PRELID2: variants seen among roughly 807,000 people sequenced by gnomAD.
The protein encoded by PRELID2 is PRELI domain containing 2.
PRELID2 carries 25 observed loss-of-function variants against 28.4 expected under a neutral mutation model. That is an observed-to-expected ratio of 0.88 (90% CI 0.64 to 1.23). The LOEUF (loss-of-function observed/expected upper bound fraction) is 1.23, where lower values mean the gene tolerates loss of function less well. Ranked by LOEUF, PRELID2 falls within the 50% of genes most tolerant of loss-of-function variation. The probability of loss-of-function intolerance (pLI) is 0.00; values close to 1 mark genes in which losing one functional copy is unlikely to be tolerated. For synonymous variants in PRELID2, 76 were observed against 71.6 expected (o/e 1.06, Z -0.31); for missense variants, 201 against 214.4 (o/e 0.94, Z 0.39).
chr5:145,586,694 T>A (rs76364359), intron 1 of PRELID2, among the ~76,000 whole-genome samples: 2,167 of 152,170 alleles, frequency 0.014, 16 homozygotes, highest in Non-Finnish European at 0.024. Context: ...ATATCCGACA[T>A]CTCTGAGCAT....
At chr5:145,287,930 G>A in the PRELID2 span, among the ~76,000 whole-genome samples, 3 of 152,142 alleles carry the variant, frequency 2.0e-5, no homozygotes, top group East Asian at 1.9e-4. Context: ...GAGTAGTCAC[G>A]TGTTTTGTAG....
the PRELID2 span, among the ~76,000 whole-genome samples, chr5:145,388,219 A>G: frequency 6.6e-6 from 1 of 152,150 alleles, no homozygotes; most frequent in Admixed American, 6.6e-5. Flanking sequence ...TGAATTCTGT[A>G]TGCTAGTATT....
At chr5:145,386,480 T>G in the PRELID2 span, among the ~76,000 whole-genome samples, 253 of 152,198 alleles carry the variant, frequency 1.7e-3, 5 homozygotes, top group East Asian at 0.039. Context: ...TCCTGCCTGA[T>G]CTCTCTTGCC....
chr5:145,828,832 C>CT (rs67543120), intron 1 of PRELID2, among the ~76,000 whole-genome samples: 1,363 of 67,504 alleles, frequency 0.02, 4 homozygotes, highest in Middle Eastern at 0.033. Context: ...TGAAAAAAAT[C>CT]TTTTTTTTTT....
intron 1 of PRELID2, among the ~76,000 whole-genome samples, chr5:145,512,876 A>G (rs1190966134): frequency 6.6e-6 from 1 of 152,244 alleles, no homozygotes; most frequent in Non-Finnish European, 1.5e-5. Flanking sequence ...AAACTCCAGC[A>G]GACCTGCAGC....
chr5:145,641,759 T>C (rs537434407), intron 1 of PRELID2, among the ~76,000 whole-genome samples: 2 of 152,330 alleles, frequency 1.3e-5, no homozygotes, highest in Non-Finnish European at 2.9e-5. Context: ...AGTGAGAACA[T>C]GTGGTGTTTG....
chr5:145,727,681 A>C (rs2149723263), intron 1 of PRELID2, among the ~76,000 whole-genome samples: 1 of 152,316 alleles, frequency 6.6e-6, no homozygotes. Flanking sequence ...ATGGCCTTCA[A>C]CTGTAAATCT....
At chr5:145,682,644 G>A (rs892564309) in intron 1 of PRELID2, among the ~76,000 whole-genome samples, 4 of 152,136 alleles carry the variant, frequency 2.6e-5, no homozygotes, top group Admixed American at 6.5e-5. Context: ...TGCCAGACCA[G>A]GCAGGGCTCT....
At chr5:145,808,170 A>G (rs1050408139) in intron 4 of PRELID2, among the ~76,000 whole-genome samples, 11 of 152,268 alleles carry the variant, frequency 7.2e-5, no homozygotes, top group African/African-American at 2.2e-4. Flanking sequence ...TATTTAGGCT[A>G]TTAGTTAACT....
At chr5:145,289,090 T>A in the PRELID2 span, among the ~76,000 whole-genome samples, 6 of 152,126 alleles carry the variant, frequency 3.9e-5, no homozygotes, top group African/African-American at 9.6e-5. Flanking sequence ...ACAGTTAGAT[T>A]CCTTTGTCAC....
chr5:145,646,614 G>T (rs538054874), intron 1 of PRELID2, among the ~76,000 whole-genome samples: 1 of 152,254 alleles, frequency 6.6e-6, no homozygotes, highest in African/African-American at 2.4e-5. Context: ...GAAAAAAGCC[G>T]TTCTGGTTTT....
intron 1 of PRELID2, among the ~76,000 whole-genome samples, chr5:145,746,602 C>T (rs1756997584): frequency 1.3e-5 from 2 of 152,266 alleles, no homozygotes; most frequent in South Asian, 4.1e-4. Context: ...TAACACCCCA[C>T]TGTCAATATT....
rs1462355355 is a variant in PRELID2, at chr5:145,615,333, T to G, written n.71-142018A>C. ...ATGTGAGTCTCTTTTTTTTGTTTTTTTTTTTTTTTTTTGAGACGGAGTCTC... is the reference window on the plus strand; with the variant it reads ...ATGTGAGTCTCTTTTTTTTGTTTTTGTTTTTTTTTTTTGAGACGGAGTCTC... On this transcript the variant is annotated intron_variant and non_coding_transcript_variant, in intron 1 of 2. Coordinates refer to the PRELID2 transcript ENST00000510259. Among the ~76,000 whole-genome samples, 24 of 131,036 alleles carry G rather than the reference T, an allele frequency of 1.8e-4. 1 individual carries two copies. In the South Asian group the frequency reaches 5.3e-3, roughly 29 times the overall value. The allele number at this position is 131,036 out of a possible 152,430, so 86.0% of individuals were successfully genotyped here. A position where few individuals can be genotyped will look rare whatever the true frequency, so the allele number is the denominator to read the frequency against.
the PRELID2 span, among the ~76,000 whole-genome samples, chr5:145,231,450 G>C: frequency 2.6e-3 from 395 of 152,242 alleles, no homozygotes; most frequent in Non-Finnish European, 4.4e-3. Context: ...CTGAGGGAGA[G>C]AGTCAGGAAA....
the PRELID2 span, among the ~76,000 whole-genome samples, chr5:145,286,703 TTTTTTTTTGTTTGTTTGTTTG>T: frequency 8.1e-5 from 7 of 86,384 alleles, no homozygotes; most frequent in Non-Finnish European, 1.1e-4. Flanking sequence ...GAAGTTTTTG[TTTTTTTTTGTTTGTTTGTTTG>T]TTTTTTTTTT....
chr5:145,541,238 G>A (rs529594677), intron 1 of PRELID2, among the ~76,000 whole-genome samples: 1 of 152,098 alleles, frequency 6.6e-6, no homozygotes, highest in Non-Finnish European at 1.5e-5. Context: ...TGATGTAATA[G>A]TGTATGTTGC....
the PRELID2 span, among the ~76,000 whole-genome samples, chr5:145,319,855 G>A: frequency 1.3e-5 from 2 of 152,114 alleles, no homozygotes; most frequent in Non-Finnish European, 2.9e-5. Flanking sequence ...AGAATATAAA[G>A]CATCTCAACT....
intron 1 of PRELID2, among the ~76,000 whole-genome samples, chr5:145,545,773 T>C (rs1026652941): frequency 6.6e-6 from 1 of 152,206 alleles, no homozygotes; most frequent in Non-Finnish European, 1.5e-5. Flanking sequence ...TCACGTCAAA[T>C]GAGATACTTT....
chr5:145,592,328 A>C (rs1753241752), intron 1 of PRELID2, among the ~76,000 whole-genome samples: 1 of 152,022 alleles, frequency 6.6e-6, no homozygotes, highest in African/African-American at 2.4e-5. Context: ...GGAGAATGAC[A>C]CTGAGGAAGG....
Sources: gnomAD v4.1 joint callset for allele counts (sites outside exome capture counted in the v4.1 genomes callset) on GRCh38, gnomAD v4.1.1 for gene constraint, MANE v1.5 for transcripts, NCBI Gene and HGNC (gene_info 2026-07-23, HGNC 2026-07-21) for gene names.